ATXN2: variants seen among roughly 807,000 people sequenced by gnomAD.
ATXN2 encodes the protein ataxin 2.
In ATXN2, 37 loss-of-function variants were observed where a neutral mutation model predicts 138.6. The ratio of observed to expected loss-of-function variants is 0.27; its 90% confidence interval spans 0.21 to 0.35. The LOEUF (loss-of-function observed/expected upper bound fraction) is 0.35. Ranked by LOEUF, ATXN2 falls within the 10% of genes least tolerant of loss-of-function variation. The pLI is 1.00. For missense variants in ATXN2, 1,216 were observed against 1,480.3 expected (o/e 0.82, Z 2.93); for synonymous variants, 549 against 543.7 (o/e 1.01, Z -0.13).
chr12:111,552,709 T>A lies in ATXN2; in HGVS notation c.420+197A>T, dbSNP rs1285296232. 10 of 549,862 alleles carry A rather than the reference T, an allele frequency of 1.8e-5. No homozygotes were observed. The highest frequency in any genetic ancestry group is 3.1e-5 in the Non-Finnish European group (10 of 326,162). 34.1% of individuals were successfully genotyped at this position (549,862 alleles called of 1,614,324 possible). A position where few individuals can be genotyped will look rare whatever the true frequency, so the allele number is the denominator to read the frequency against. On this transcript the variant is annotated intron_variant, in intron 4 of 24. Transcript: ENST00000673436. This position sits in a 1 kb window ranked among gnomAD's most constrained non-coding sequence, Gnocchi z 4.1. ...ACCACATCCCTCTATTAGCTCACAA[T>A]GCTTAAAAATGGTTGAAATATTTTA...
chr12:111,519,018 C>T (rs887819637), intron 8 of ATXN2, among the ~76,000 whole-genome samples: 1 of 152,158 alleles, frequency 6.6e-6, no homozygotes, highest in African/African-American at 2.4e-5. Flanking sequence ...CAATTAGCTG[C>T]ACAAACGGAG....
At chr12:111,461,926 GAA>G (rs11356478) in intron 21 of ATXN2, among the ~76,000 whole-genome samples, 49 of 97,376 alleles carry the variant, frequency 5.0e-4, no homozygotes, top group South Asian at 1.2e-3. Context: ...CATCTCAAAA[GAA>G]AAAAAAAAAA....
At chr12:111,483,452 C>CTTTTTT (rs927752030) in intron 18 of ATXN2, among the ~76,000 whole-genome samples, 3 of 107,216 alleles carry the variant, frequency 2.8e-5, no homozygotes, top group East Asian at 3.0e-4. Flanking sequence ...TAAAAGAACT[C>CTTTTTT]TTTTTTTTTT....
intron 1 of ATXN2, among the ~76,000 whole-genome samples, chr12:111,584,905 C>T (rs1318196125): frequency 3.3e-5 from 5 of 151,928 alleles, no homozygotes; most frequent in Non-Finnish European, 5.9e-5. Flanking sequence ...GGAGGCAGAT[C>T]GGGCCATTGC....
intron 5 of ATXN2, among the ~76,000 whole-genome samples, chr12:111,527,101 C>T (rs1415454558): frequency 6.6e-6 from 1 of 152,178 alleles, no homozygotes; most frequent in Non-Finnish European, 1.5e-5. Flanking sequence ...CTGTCTGGCA[C>T]AGGAAATTTT....
At chr12:111,499,452 C>T (rs1309699577) in intron 14 of ATXN2, among the ~76,000 whole-genome samples, 1 of 152,186 alleles carries the variant, frequency 6.6e-6, no homozygotes, top group African/African-American at 2.4e-5. Flanking sequence ...GCCTGTAATC[C>T]TAGCACTTTG....
chr12:111,551,108 C>T (rs931447603), intron 5 of ATXN2, among the ~76,000 whole-genome samples: 1 of 152,048 alleles, frequency 6.6e-6, no homozygotes, highest in East Asian at 1.9e-4. Context: ...ACCATCCTGG[C>T]CAACATGGTG....
rs1430276284 is a variant in ATXN2 at position 111,516,020 on chromosome 12, T to C, written c.1375+134A>G. On this transcript the variant is annotated intron_variant, in intron 10 of 24. Coordinates refer to ENST00000673436, the MANE Select transcript of ATXN2 (RefSeq NM_001372574.1). This position sits in a 1 kb window ranked among gnomAD's most constrained non-coding sequence, Gnocchi z 5.0. ...ATGAACAAAAGGTTAATAGAAATAG[T>C]TTTAATAAACTAAAGTTAAAACACA... 3 of 844,840 alleles carry C rather than the reference T, an allele frequency of 3.6e-6. No homozygotes were observed. Among genetic ancestry groups the C allele is most frequent in the Non-Finnish European group, 5.2e-6 (3 of 579,906 alleles). 52.3% of individuals were successfully genotyped at this position (844,840 alleles called of 1,614,324 possible).
chr12:111,568,531 T>C (rs749589172), intron 1 of ATXN2, among the ~76,000 whole-genome samples: 13 of 152,110 alleles, frequency 8.5e-5, no homozygotes, highest in Non-Finnish European at 8.8e-5. Flanking sequence ...TGTATAGAAG[T>C]AACTAATTTT....
intron 5 of ATXN2, among the ~76,000 whole-genome samples, chr12:111,537,421 C>T (rs1881250283): frequency 6.6e-6 from 1 of 151,374 alleles, no homozygotes; most frequent in Admixed American, 6.6e-5. Flanking sequence ...CCCGTCTTTA[C>T]TAAAAATATA....
chr12:111,455,187 T>G (rs142367919), intron 23 of ATXN2: 180 of 699,356 alleles, frequency 2.6e-4, no homozygotes, highest in Admixed American at 4.4e-4. Context: ...AGTTCTGTTA[T>G]GAAAGTAGCA....
Position 111,516,500 on chromosome 12 carries a change from G to C in ATXN2, c.1166-137C>G. ...CCCTTTGAGGACAGTCATTTGATTT[G>C]TGATAAGTTTTAGCATAACTTAACT... On this transcript the variant is annotated intron_variant, in intron 9 of 24. Coordinates refer to ENST00000673436, the MANE Select transcript of ATXN2 (RefSeq NM_001372574.1). This position sits in a 1 kb window ranked among gnomAD's most constrained non-coding sequence, Gnocchi z 5.0. 1.2e-6 allele frequency: 1 copy of C among 843,238 alleles called. No individual in the cohort carries two copies. The highest frequency in any genetic ancestry group is 2.8e-5 in the East Asian group (1 of 35,736). 52.2% of individuals were successfully genotyped at this position (843,238 alleles called of 1,614,324 possible). A position where few individuals can be genotyped will look rare whatever the true frequency, so the allele number is the denominator to read the frequency against.
At chr12:111,503,097 C>T (rs1878885367) in intron 14 of ATXN2, among the ~76,000 whole-genome samples, 1 of 152,198 alleles carries the variant, frequency 6.6e-6, no homozygotes, top group African/African-American at 2.4e-5. Context: ...ATAAAGCTAT[C>T]AGCACTCTGC....
intron 5 of ATXN2, among the ~76,000 whole-genome samples, chr12:111,532,226 A>C (rs922226574): frequency 6.6e-6 from 1 of 152,088 alleles, no homozygotes; most frequent in Non-Finnish European, 1.5e-5. Flanking sequence ...CACACCTGTA[A>C]TCCCAGCACT....
intron 1 of ATXN2, among the ~76,000 whole-genome samples, chr12:111,566,943 A>G (rs1883047678): frequency 6.6e-6 from 1 of 152,120 alleles, no homozygotes; most frequent in Non-Finnish European, 1.5e-5. Flanking sequence ...CAACCAGGAA[A>G]TTGCTTCTAA....
chr12:111,587,364 A>G (rs1675940318), intron 1 of ATXN2, among the ~76,000 whole-genome samples: 1 of 152,194 alleles, frequency 6.6e-6, no homozygotes, highest in South Asian at 2.1e-4. Context: ...ACGTCAATGA[A>G]AAATATTTGA....
intron 5 of ATXN2, among the ~76,000 whole-genome samples, chr12:111,530,917 G>A (rs573475161): frequency 1.2e-4 from 18 of 151,002 alleles, no homozygotes; most frequent in Non-Finnish European, 2.2e-4. Context: ...CCTGAGGTCC[G>A]GAGTTCGAGA....
chr12:111,485,776 A>G lies in ATXN2; in HGVS notation c.2394T>C (p.Tyr798=). 6.2e-7 allele frequency: 1 copy of G among 1,614,194 alleles called. No homozygotes were observed. The highest frequency in any genetic ancestry group is 1.3e-5 in the African/African-American group (1 of 75,058). The change falls in exon 17 of 25, where the codon TAT becomes TAC. Residue 798 remains tyrosine (Y), a synonymous_variant. Transcript: ENST00000673436. The part of the protein sequence containing the change: ...MVGHQQPTPV[Y]TQPVCFAPNM... Reference sequence around the variant, plus strand: ...TTGGTGCAAAACAAACAGGCTGAGTATAAACTGGAGTTGGCTGTTGATGAC... The same window carrying G: ...TTGGTGCAAAACAAACAGGCTGAGTGTAAACTGGAGTTGGCTGTTGATGAC...
At chr12:111,470,479 A>G in intron 19 of ATXN2, 79 bp downstream of exon 19, 1 of 1,511,190 alleles carries the variant, frequency 6.6e-7, no homozygotes, top group South Asian at 1.2e-5. Flanking sequence ...AGCAAAAATT[A>G]TAAAGGAAAA....
Sources: gnomAD v4.1 joint callset for allele counts (sites outside exome capture counted in the v4.1 genomes callset) on GRCh38, gnomAD v4.1.1 for gene constraint, Gnocchi (gnomAD v3.1) non-coding constraint, MANE v1.5 for transcripts, NCBI Gene and HGNC (gene_info 2026-07-23, HGNC 2026-07-21) for gene names.